TPD52L2: variants seen among roughly 807,000 people sequenced by gnomAD.
The protein encoded by TPD52L2 is tumor protein D54.
In TPD52L2, 19 loss-of-function variants were observed where a neutral mutation model predicts 24.7. The ratio of observed to expected loss-of-function variants is 0.77; its 90% CI spans 0.54 to 1.13. The LOEUF is 1.13. TPD52L2 is among the 50% of genes most tolerant of loss of function. TPD52L2 has a pLI of 0.00. For missense variants in TPD52L2, 236 were observed against 250.4 expected (o/e 0.94, Z 0.39); for synonymous variants, 104 against 100.2 (o/e 1.04, Z -0.23).
chr20:63,865,543 T>C (rs1026535810), intron 1 of TPD52L2, among the ~76,000 whole-genome samples, 159 bp downstream of exon 1: 2 of 151,996 alleles, frequency 1.3e-5, no homozygotes, highest in Admixed American at 6.5e-5. Context: ...TCGAAGCTTA[T>C]GATGGTCGTG....
At chr20:63,886,059 A>T in intron 5 of TPD52L2, 1 of 1,613,832 alleles carries the variant, frequency 6.2e-7, no homozygotes, top group East Asian at 2.2e-5. Context: ...CTGAGCCTGG[A>T]CACACCTGTG....
rs147575600 is a variant in TPD52L2 at position 63,874,519 on chromosome 20, G to A, written c.314+703G>A. On this transcript the variant is annotated intron_variant, in intron 3 of 6. Transcript: ENST00000346249. Reference sequence around the variant, plus strand: ...CCCCCTCGTAGCTGGGATGACAGGCGTGCGCCACCATGCCTGGCTAATTTT... The same window carrying A: ...CCCCCTCGTAGCTGGGATGACAGGCATGCGCCACCATGCCTGGCTAATTTT... 5.1e-3 allele frequency among the ~76,000 whole-genome samples: 778 copies of A among 152,050 alleles called. 2 individuals are homozygous for A. The highest frequency in any genetic ancestry group is 0.018 in the African/African-American group (731 of 41,460).
At position 63,884,324 on chromosome 20, in the gene TPD52L2, G is replaced by T. The variant is rs2053016778; in HGVS notation, c.476+1504G>T. Among the ~76,000 whole-genome samples the T allele has an allele frequency of 2.6e-5, 4 of 152,204 alleles. No individual in the cohort carries two copies. In the South Asian group the frequency reaches 8.3e-4, roughly 31 times the overall value. ...GCAGGGCTGTTTTCTTCCCGAAAAT[G>T]CTGGTCTCACCACAGAGCATCTTCA... On this transcript the variant is annotated intron_variant, in intron 5 of 6. Coordinates refer to ENST00000346249, the MANE Select transcript of TPD52L2 (RefSeq NM_003288.4).
Position 63,889,891 on chromosome 20 carries a change from C to T in TPD52L2, c.567C>T (p.Leu189=), listed in dbSNP as rs571033059. The T allele has an allele frequency of 6.2e-6, 10 of 1,614,196 alleles. No individual in the cohort carries two copies. The highest frequency in any genetic ancestry group is 5.0e-5 in the Admixed American group (3 of 60,026). Residue 189 remains leucine (L), a synonymous_variant, in exon 7 of 7, where the codon CTC becomes CTT. Coordinates refer to ENST00000346249, the MANE Select transcript of TPD52L2 (RefSeq NM_003288.4). ...ACAGAGAGAACGGCAGTGACAACCT[C>T]CCTTCCTCAGCGGGGAGTGGTGACA... ...VGDRENGSDN[L]PSSAGSGDKP...
At chr20:63,888,080 A>AGAGCCCAGAACTGT (rs1207117490) in intron 5 of TPD52L2, 1 of 182,450 alleles carries the variant, frequency 5.5e-6, no homozygotes, top group African/African-American at 2.4e-5. Flanking sequence ...GATTCTCAGG[A>AGAGCCCAGAACTGT]GAGCCCAGAA....
At chr20:63,884,064 C>T (rs1268957096) in intron 5 of TPD52L2, among the ~76,000 whole-genome samples, 1 of 152,214 alleles carries the variant, frequency 6.6e-6, no homozygotes. Flanking sequence ...AATCTACCTT[C>T]CCATCCCTGC....
intron 1 of TPD52L2, 78 bp downstream of exon 1, chr20:63,865,462 G>A: frequency 6.8e-7 from 1 of 1,479,242 alleles, no homozygotes; most frequent in Non-Finnish European, 9.0e-7. Flanking sequence ...GGTCGCGTCT[G>A]CGACTCTCTG....
chr20:63,870,813 G>A (rs796727811), intron 2 of TPD52L2, among the ~76,000 whole-genome samples: 14 of 151,858 alleles, frequency 9.2e-5, no homozygotes, highest in African/African-American at 3.1e-4. Flanking sequence ...CGCCTCCCAG[G>A]TTCAAGCGAT....
intron 5 of TPD52L2, among the ~76,000 whole-genome samples, chr20:63,885,055 C>T (rs1450974548): frequency 1.3e-5 from 2 of 152,240 alleles, no homozygotes; most frequent in South Asian, 2.1e-4. Flanking sequence ...TGAGAGCTCA[C>T]TACTTCCTGA....
At position 63,890,717 on chromosome 20, in the gene TPD52L2, T is replaced by C. The variant is rs1039762576; in HGVS notation, c.*772T>C. The C allele has an allele frequency of 1.0e-4, 16 of 152,578 alleles. No individual in the cohort carries two copies. Among genetic ancestry groups the C allele is most frequent in the Non-Finnish European group, 7.3e-5 (5 of 68,052 alleles). 9.5% of individuals were successfully genotyped at this position (152,578 alleles called of 1,614,324 possible). On this transcript the variant is annotated 3_prime_UTR_variant, in exon 7 of 7. Coordinates refer to ENST00000346249, the MANE Select transcript of TPD52L2 (RefSeq NM_003288.4). ...TGAGCATTGTGTGGAATTTTACACC[T>C]GGCCTGCGTGGCAGCCTCTTCCAGT... is the stretch of plus-strand genomic sequence containing the variant.
At chr20:63,875,724 C>G in intron 3 of TPD52L2, 92 bp from the exon 4 acceptor site, 2 of 1,322,858 alleles carry the variant, frequency 1.5e-6, no homozygotes, top group Non-Finnish European at 2.1e-6. Context: ...CCAGCTGGTC[C>G]CTCTCTGTCT....
At chr20:63,879,103 C>T (rs1345559986) in intron 4 of TPD52L2, among the ~76,000 whole-genome samples, 1 of 152,188 alleles carries the variant, frequency 6.6e-6, no homozygotes, top group Non-Finnish European at 1.5e-5. Context: ...GAGGTCAGAG[C>T]CACAGCTGTT....
At chr20:63,874,162 C>T (rs1404091220) in intron 3 of TPD52L2, among the ~76,000 whole-genome samples, 4 of 151,622 alleles carry the variant, frequency 2.6e-5, no homozygotes, top group African/African-American at 7.3e-5. Context: ...AGCGATTCTC[C>T]TGCCTCAGCC....
intron 1 of TPD52L2, among the ~76,000 whole-genome samples, chr20:63,866,043 A>G (rs192014540): frequency 8.4e-4 from 128 of 152,342 alleles, no homozygotes; most frequent in African/African-American, 3.0e-3. Context: ...TGAGAAGATG[A>G]TAAAAGTCTG....
At chr20:63,886,562 C>A in intron 5 of TPD52L2, among the ~76,000 whole-genome samples, 1 of 152,014 alleles carries the variant, frequency 6.6e-6, no homozygotes, top group East Asian at 1.9e-4. Flanking sequence ...GGGGTTTCAC[C>A]GTGGTCTCGA....
chr20:63,874,790 C>A (rs1316284885), intron 3 of TPD52L2, among the ~76,000 whole-genome samples: 1 of 152,074 alleles, frequency 6.6e-6, no homozygotes, highest in Non-Finnish European at 1.5e-5. Flanking sequence ...TTGGCAAGAG[C>A]GGTTTTTCTG....
chr20:63,885,181 G>C (rs2053048035), intron 5 of TPD52L2, among the ~76,000 whole-genome samples: 1 of 152,246 alleles, frequency 6.6e-6, no homozygotes, highest in African/African-American at 2.4e-5. Context: ...CAACGCCCGT[G>C]TCCATGATGG....
At chr20:63,882,589 C>T (rs1360036300) in intron 4 of TPD52L2, 130 bp from the exon 5 acceptor site, 11 of 735,504 alleles carry the variant, frequency 1.5e-5, no homozygotes, top group South Asian at 7.8e-5. Flanking sequence ...AGACACCTGG[C>T]GAGTGTCCAC....
At position 63,869,395 on chromosome 20, in the gene TPD52L2, G is replaced by A. The variant is rs749635454; in HGVS notation, c.119G>A (p.Gly40Asp). The stretch of plus-strand genomic sequence containing the variant: ...GCTGCCCGGACTCCTGCTGTTGAGG[G>A]TCTGACAGAGGCTGAGGAGGAGGAG... ...GVAARTPAVE[G>D]LTEAEEEELR... The change falls in exon 2 of 7, where the codon GGT becomes GAT. Residue 40 changes from glycine (G) to aspartate (D), a missense_variant. Gly to Asp is a moderately conservative substitution (Grantham distance 94). Coordinates refer to ENST00000346249, the MANE Select transcript of TPD52L2 (RefSeq NM_003288.4). 6.2e-7 allele frequency: 1 copy of A among 1,614,246 alleles called. No individual in the cohort carries two copies. Among genetic ancestry groups the A allele is most frequent in the Non-Finnish European group, 8.5e-7 (1 of 1,180,048 alleles).
Sources: gnomAD v4.1 joint callset for allele counts (sites outside exome capture counted in the v4.1 genomes callset) on GRCh38, gnomAD v4.1.1 for gene constraint, MANE v1.5 for transcripts, NCBI Gene and HGNC (gene_info 2026-07-23, HGNC 2026-07-21) for gene names.